The following GALK2 variants were observed in gnomAD, a reference collection of about 807,000 sequenced individuals.
GALK2 encodes the protein galactokinase 2.
In GALK2, 36 loss-of-function variants were observed where a neutral mutation model predicts 52.4. The ratio of observed to expected loss-of-function variants is 0.69; its 90% CI spans 0.53 to 0.91. GALK2 has a LOEUF of 0.91. Among genes scored for constraint, GALK2 ranks in the 40% least tolerant of loss-of-function variants. The pLI is 0.00. For synonymous variants in GALK2, 176 were observed against 199.1 expected, an observed-to-expected ratio of 0.88 and a Z score of 0.98; for missense variants, 579 against 559.1, an observed-to-expected ratio of 1.04 and a Z score of -0.36.
intron 1 of GALK2, among the ~76,000 whole-genome samples, chr15:49,192,491 A>G (rs1275866975): frequency 2.1e-3 from 53 of 25,422 alleles, no homozygotes; most frequent in Admixed American, 4.6e-3. Flanking sequence ...ATATGTATAT[A>G]TATATATATA....
chr15:49,288,307 A>G (rs547425177), intron 7 of GALK2, among the ~76,000 whole-genome samples: 1 of 152,316 alleles, frequency 6.6e-6, no homozygotes, highest in East Asian at 1.9e-4. Flanking sequence ...TGCTTTTTGC[A>G]TACCCTGAGC....
rs554830616 is a variant in GALK2 at position 49,352,728 on chromosome 15, G to A, written c.427-14763G>A. Among the ~76,000 whole-genome samples the A allele has an allele frequency of 1.3e-4, 20 of 152,134 alleles. No individual in the cohort carries two copies. The South Asian group carries it at 2.1e-3, about 16-fold the overall frequency. ...ATTAAAATAGCTTGGTCATCACAGC[G>A]CACTTCAAGACCCTTGGTCCACTGG... On this transcript the variant is annotated intron_variant, in intron 3 of 3. Coordinates refer to the GALK2 transcript ENST00000558399.
chr15:49,165,799 T>C (rs963214390), upstream of GALK2, among the ~76,000 whole-genome samples: 15 of 141,950 alleles, frequency 1.1e-4, no homozygotes, highest in Non-Finnish European at 1.7e-4. Flanking sequence ...ATAATGTATT[T>C]CTTTTTTTTT....
At chr15:49,213,671 A>G (rs925998746) in intron 2 of GALK2, among the ~76,000 whole-genome samples, 3 of 151,968 alleles carry the variant, frequency 2.0e-5, no homozygotes, top group African/African-American at 7.3e-5. Flanking sequence ...AATTTAGTCC[A>G]TTTATATTCG....
At chr15:49,183,776 G>A (rs2086146135) in intron 1 of GALK2, among the ~76,000 whole-genome samples, 1 of 151,544 alleles carries the variant, frequency 6.6e-6, no homozygotes, top group African/African-American at 2.4e-5. Context: ...CCGGGAGGCA[G>A]AGGTTGTGGT....
At chr15:49,202,060 A>G (rs2087825535) in intron 2 of GALK2, among the ~76,000 whole-genome samples, 2 of 151,984 alleles carry the variant, frequency 1.3e-5, no homozygotes, top group South Asian at 2.1e-4. Context: ...CTGGTGTGCA[A>G]TGGTGCAGTC....
intron 3 of GALK2, among the ~76,000 whole-genome samples, chr15:49,352,322 T>C (rs965196130): frequency 6.6e-6 from 1 of 152,216 alleles, no homozygotes; most frequent in African/African-American, 2.4e-5. Flanking sequence ...TGAACATTGA[T>C]GCTATCTCTT....
intron 1 of GALK2, among the ~76,000 whole-genome samples, chr15:49,195,985 C>A (rs1396843612): frequency 6.6e-6 from 1 of 151,960 alleles, no homozygotes; most frequent in African/African-American, 2.4e-5. Context: ...AAAAAAAAGT[C>A]TTCTGTTTAG....
At chr15:49,181,376 A>G (rs1352275429) in intron 1 of GALK2, among the ~76,000 whole-genome samples, 1 of 151,650 alleles carries the variant, frequency 6.6e-6, no homozygotes, top group African/African-American at 2.4e-5. Flanking sequence ...AAGTGCTGGG[A>G]TTACATACAT....
intron 8 of GALK2, among the ~76,000 whole-genome samples, chr15:49,297,467 A>G (rs892033633): frequency 1.3e-5 from 2 of 152,114 alleles, no homozygotes; most frequent in Non-Finnish European, 2.9e-5. Flanking sequence ...TTTTGTTGCA[A>G]TTGCTTTTAG....
At chr15:49,359,268 CA>C (rs1328921829) in intron 3 of GALK2, among the ~76,000 whole-genome samples, 1 of 135,400 alleles carries the variant, frequency 7.4e-6, no homozygotes, top group Non-Finnish European at 1.6e-5. Flanking sequence ...AGCTTCTGCA[CA>C]GCAAAAGAAA....
intron 8 of GALK2, among the ~76,000 whole-genome samples, chr15:49,312,739 G>C (rs1053192540): frequency 2.6e-5 from 4 of 152,158 alleles, no homozygotes; most frequent in Admixed American, 2.6e-4. Flanking sequence ...ATGTGTAAAA[G>C]GCACAGTGCA....
At chr15:49,237,324 A>G (rs756497876) in intron 4 of GALK2, among the ~76,000 whole-genome samples, 1 of 152,246 alleles carries the variant, frequency 6.6e-6, no homozygotes, top group Non-Finnish European at 1.5e-5. Flanking sequence ...GTTTCAGAGA[A>G]TAATTCACTT....
At chr15:49,196,670 T>G (rs1395329633) in intron 1 of GALK2, among the ~76,000 whole-genome samples, 1 of 152,230 alleles carries the variant, frequency 6.6e-6, no homozygotes, top group African/African-American at 2.4e-5. Flanking sequence ...GTTTTTGGAC[T>G]CATTGATCTA....
At chr15:49,207,440 T>A (rs1358767037) in intron 2 of GALK2, among the ~76,000 whole-genome samples, 2 of 152,226 alleles carry the variant, frequency 1.3e-5, no homozygotes, top group Non-Finnish European at 2.9e-5. Context: ...AATTCTTCTT[T>A]GAATGTCTGA....
At chr15:49,340,410 C>CG (rs1217881684) in intron 3 of GALK2, among the ~76,000 whole-genome samples, 1 of 125,474 alleles carries the variant, frequency 8.0e-6, no homozygotes, top group Non-Finnish European at 1.7e-5. Context: ...CCCGCCCCCC[C>CG]CCTCCCCCCC....
chr15:49,292,550 G>C lies in GALK2; in HGVS notation c.967+13G>C, dbSNP rs1444787968. Reference sequence around the variant, plus strand: ...AACACTCAAGATGGTGAGTTGGCTGGAGAAAGTATGATATATGTTATTCCC... The same window carrying C: ...AACACTCAAGATGGTGAGTTGGCTGCAGAAAGTATGATATATGTTATTCCC... On this transcript the variant is annotated intron_variant, in intron 8 of 9. Transcript: ENST00000560031. 6 of 1,603,748 alleles carry C rather than the reference G, an allele frequency of 3.7e-6. No individual in the cohort carries two copies. The East Asian group carries it at 1.1e-4, about 30-fold the overall frequency.
At chr15:49,202,327 C>T (rs1031956956) in intron 2 of GALK2, among the ~76,000 whole-genome samples, 9 of 152,104 alleles carry the variant, frequency 5.9e-5, no homozygotes, top group Non-Finnish European at 1.2e-4. Flanking sequence ...TAACTGACCT[C>T]TCCCTACCTG....
chr15:49,253,308 C>T (rs2091686645), intron 5 of GALK2, among the ~76,000 whole-genome samples: 1 of 144,332 alleles, frequency 6.9e-6, no homozygotes, highest in South Asian at 2.3e-4. Flanking sequence ...AGGAGATCTC[C>T]ACTAAATGGA....
Sources: gnomAD v4.1 joint callset for allele counts (sites outside exome capture counted in the v4.1 genomes callset) on GRCh38, gnomAD v4.1.1 for gene constraint, MANE v1.5 for transcripts, NCBI Gene and HGNC (gene_info 2026-07-23, HGNC 2026-07-21) for gene names.